Variants in WDR17 observed in about 807,000 individuals in gnomAD.
WDR17 encodes the protein WD repeat-containing protein 17.
In WDR17, 143 loss-of-function variants were observed where a neutral mutation model predicts 161.7. The ratio of observed to expected loss-of-function variants is 0.88; its 90% CI spans 0.77 to 1.02. The LOEUF is 1.02. Ranked by LOEUF, WDR17 falls within the 50% of genes least tolerant of loss-of-function variation. The pLI, the probability that WDR17 is intolerant of heterozygous loss-of-function variation, is 0.00. For missense variants in WDR17, 1,469 were observed against 1,520.9 expected (o/e 0.97, Z 0.57); for synonymous variants, 517 against 515.6 (o/e 1.00, Z -0.04).
rs190081677 is a variant in WDR17 at position 176,111,536 on chromosome 4, A to G, written c.-6-39A>G. On this transcript the variant is annotated intron_variant, in intron 1 of 28. Coordinates refer to ENST00000508596, the MANE Select transcript of WDR17 (RefSeq NM_181265.4). ...AAAACAATGAGGAAGTTTATCAATA[A>G]TGGAAATCACTGACATTTCTTCAAA... 4 of 1,590,398 alleles carry G rather than the reference A, an allele frequency of 2.5e-6. No individual in the cohort carries two copies. The Admixed American group carries it at 5.2e-5, about 21-fold the overall frequency.
Position 176,148,251 on chromosome 4 carries a change from A to T in WDR17, c.1813A>T (p.Ser605Cys). 6.2e-7 allele frequency: 1 copy of T among 1,614,044 alleles called. No individual in the cohort carries two copies. The highest frequency in any genetic ancestry group is 8.5e-7 in the Non-Finnish European group (1 of 1,179,948). Residue 605 changes from serine (S) to cysteine (C), a missense_variant, in exon 13 of 29, where the codon AGC becomes TGC. Ser to Cys is a moderately radical substitution (Grantham distance 112). Transcript: ENST00000508596. The part of the protein sequence containing the change: ...TEIPYLLISG[S>C]WDYTIKVWDT... ...GATTCCATATCTGCTCATATCTGGC[A>T]GCTGGGACTATACTATAAAAGTATG...
At chr4:176,173,823 T>A (rs374387603) in intron 25 of WDR17, among the ~76,000 whole-genome samples, 1 of 151,736 alleles carries the variant, frequency 6.6e-6, no homozygotes, top group Non-Finnish European at 1.5e-5. Context: ...CCGTTTGTTA[T>A]GTTTTTAAGA....
intron 25 of WDR17, among the ~76,000 whole-genome samples, chr4:176,173,603 G>T (rs1287943476): frequency 6.6e-6 from 1 of 151,994 alleles, no homozygotes; most frequent in African/African-American, 2.4e-5. Context: ...TGCAAGCTCC[G>T]CCTCCTGGGT....
chr4:176,156,046 A>G, intron 17 of WDR17, 33 bp from the exon 18 acceptor site: 2 of 1,608,532 alleles, frequency 1.2e-6, no homozygotes, highest in Non-Finnish European at 1.7e-6. Flanking sequence ...ACCAAAATTA[A>G]TATGCTCCTG....
intron 1 of WDR17, among the ~76,000 whole-genome samples, chr4:176,102,219 A>G (rs1737935221): frequency 6.6e-6 from 1 of 152,202 alleles, no homozygotes; most frequent in Non-Finnish European, 1.5e-5. Context: ...CAGATACCTC[A>G]CCAAAGAATG....
intron 16 of WDR17, among the ~76,000 whole-genome samples, chr4:176,150,837 G>T (rs1746996795): frequency 6.6e-6 from 1 of 152,148 alleles, no homozygotes; most frequent in Non-Finnish European, 1.5e-5. Flanking sequence ...GGAACTCCTT[G>T]AAATGCTTTA....
At chr4:176,119,225 G>T (rs1044266551) in intron 3 of WDR17, among the ~76,000 whole-genome samples, 65 of 151,810 alleles carry the variant, frequency 4.3e-4, no homozygotes, top group Non-Finnish European at 1.8e-4. Flanking sequence ...TTACATAAAT[G>T]ATTTTATTTC....
chr4:176,114,254 TTAAA>T (rs1240549964), intron 2 of WDR17, among the ~76,000 whole-genome samples: 1 of 152,082 alleles, frequency 6.6e-6, no homozygotes, highest in Admixed American at 6.6e-5. Flanking sequence ...AATTATGTAT[TTAAA>T]TAAGTCAACT....
intron 1 of WDR17, chr4:176,096,622 A>T (rs376311885): frequency 2.1e-5 from 32 of 1,515,498 alleles, no homozygotes; most frequent in Non-Finnish European, 2.9e-5. Flanking sequence ...ATTTCCTGCG[A>T]TTTTTTTTCT....
rs1488430723 is a variant in WDR17 at position 176,174,656 on chromosome 4, T to G, written c.3387T>G (p.Gly1129=). 1.2e-6 allele frequency: 2 copies of G among 1,612,382 alleles called. No homozygotes were observed. Reference sequence around the variant, plus strand: ...TGCTGATATTATGTGGTTACATTGGTGCATTACTGGCTATCAGAAGACAGT... The same window carrying G: ...TGCTGATATTATGTGGTTACATTGGGGCATTACTGGCTATCAGAAGACAGT... The part of the protein sequence containing the change: ...NELLILCGYI[G]ALLAIRRQYQ... The change falls in exon 26 of 29, where the codon GGT becomes GGG. Residue 1129 remains glycine (G), a synonymous_variant. Coordinates refer to ENST00000508596, the MANE Select transcript of WDR17 (RefSeq NM_181265.4).
At chr4:176,134,786 G>A (rs1377474715) in intron 7 of WDR17, among the ~76,000 whole-genome samples, 2 of 151,676 alleles carry the variant, frequency 1.3e-5, no homozygotes, top group East Asian at 1.9e-4. Context: ...ATAGTATCCT[G>A]TAAGTTTAAT....
intron 1 of WDR17, among the ~76,000 whole-genome samples, chr4:176,088,054 A>G (rs963916384): frequency 6.6e-6 from 1 of 151,972 alleles, no homozygotes; most frequent in Non-Finnish European, 1.5e-5. Flanking sequence ...ATGTTGGCCA[A>G]TCTGGTCTCA....
chr4:176,132,738 A>G (rs1432652012), intron 7 of WDR17, among the ~76,000 whole-genome samples: 1 of 151,950 alleles, frequency 6.6e-6, no homozygotes, highest in Non-Finnish European at 1.5e-5. Flanking sequence ...CTTTTTATAT[A>G]AACTCTTTCC....
chr4:176,178,355 G>A (rs1054322400), intron 28 of WDR17, among the ~76,000 whole-genome samples: 12 of 152,170 alleles, frequency 7.9e-5, no homozygotes, highest in African/African-American at 2.7e-4. Flanking sequence ...TTTTAGTAAA[G>A]AGCAAGAAAC....
At chr4:176,177,284 C>A in intron 27 of WDR17, 128 bp downstream of exon 27, 1 of 992,072 alleles carries the variant, frequency 1.0e-6, no homozygotes, top group Non-Finnish European at 1.5e-6. Flanking sequence ...GGCATATATG[C>A]AGTAATAATT....
At chr4:176,115,763 A>G in intron 2 of WDR17, 33 bp from the exon 3 acceptor site, 13 of 1,489,302 alleles carry the variant, frequency 8.7e-6, no homozygotes, top group South Asian at 1.3e-5. Context: ...AAAAAGGAGC[A>G]CTAAAATATT....
intron 17 of WDR17, among the ~76,000 whole-genome samples, chr4:176,153,056 C>CTTT (rs1747484536): frequency 4.6e-5 from 7 of 152,134 alleles, no homozygotes; most frequent in Admixed American, 4.6e-4. Flanking sequence ...ATTGGCATCA[C>CTTT]TGGGATCCCT....
At position 176,111,533 on chromosome 4, in the gene WDR17, A is replaced by G. The variant is rs369664720; in HGVS notation, c.-6-42A>G. The G allele has an allele frequency of 2.2e-5, 35 of 1,588,980 alleles. No individual in the cohort carries two copies. In the East Asian group the frequency reaches 2.7e-4, roughly 12 times the overall value. On this transcript the variant is annotated intron_variant, in intron 1 of 28. Coordinates refer to ENST00000508596, the MANE Select transcript of WDR17 (RefSeq NM_181265.4). ...TGTAAAACAATGAGGAAGTTTATCA[A>G]TAATGGAAATCACTGACATTTCTTC... is the stretch of plus-strand genomic sequence containing the variant.
intron 10 of WDR17, among the ~76,000 whole-genome samples, chr4:176,141,039 G>C (rs1745174659): frequency 6.6e-6 from 1 of 152,126 alleles, no homozygotes; most frequent in South Asian, 2.1e-4. Flanking sequence ...ATTTAAGACA[G>C]TCTTTTCCAT....
Sources: gnomAD v4.1 joint callset for allele counts (sites outside exome capture counted in the v4.1 genomes callset) on GRCh38, gnomAD v4.1.1 for gene constraint, MANE v1.5 for transcripts, NCBI Gene and HGNC (gene_info 2026-07-23, HGNC 2026-07-21) for gene names.